Variants in USP32 observed in about 807,000 individuals in gnomAD.
The protein encoded by USP32 is ubiquitin carboxyl-terminal hydrolase 32.
In USP32, 59 loss-of-function variants were observed where a neutral mutation model predicts 204.8. The ratio of observed to expected loss-of-function variants is 0.29; its 90% CI spans 0.23 to 0.36. USP32 has a LOEUF of 0.36. Ranked by LOEUF, USP32 falls within the 10% of genes least tolerant of loss-of-function variation. The probability of loss-of-function intolerance (pLI) is 1.00; values close to 1 mark genes in which losing one functional copy is unlikely to be tolerated. For synonymous variants in USP32, 517 were observed against 678.4 expected (o/e 0.76, Z 3.70); for missense variants, 1,160 against 1,946.4 (o/e 0.60, Z 7.60).
At chr17:60,184,013 G>A (rs1202332496) in intron 30 of USP32, among the ~76,000 whole-genome samples, 16 of 152,060 alleles carry the variant, frequency 1.1e-4, no homozygotes, top group Non-Finnish European at 1.8e-4. Flanking sequence ...TCAGCCGGGC[G>A]CAGTGGCTCA....
intron 2 of USP32, among the ~76,000 whole-genome samples, chr17:60,339,583 C>CAAA (rs1420937665): frequency 3.0e-5 from 2 of 65,918 alleles, no homozygotes; most frequent in Admixed American, 1.8e-4. Flanking sequence ...AACTCCATCT[C>CAAA]AAAAAAAAAA....
At chr17:60,291,537 A>ATGTGTGTGTGTG (rs58874239) in intron 4 of USP32, among the ~76,000 whole-genome samples, 31 of 145,334 alleles carry the variant, frequency 2.1e-4, no homozygotes, top group African/African-American at 6.2e-4. Flanking sequence ...CTGTGTGTGT[A>ATGTGTGTGTGTG]TGTGTGTGTG....
intron 2 of USP32, among the ~76,000 whole-genome samples, chr17:60,320,558 G>A (rs144119370): frequency 1.6e-4 from 25 of 152,222 alleles, no homozygotes; most frequent in African/African-American, 5.8e-4. Context: ...AGAAACCGGG[G>A]TACCTGGAGA....
chr17:60,252,145 C>CA (rs1223789851), intron 11 of USP32, among the ~76,000 whole-genome samples: 1 of 151,904 alleles, frequency 6.6e-6, no homozygotes, highest in Non-Finnish European at 1.5e-5. Context: ...TATCTCATTT[C>CA]AAAAAATGAA....
At chr17:60,338,893 A>G (rs1000945363) in intron 2 of USP32, among the ~76,000 whole-genome samples, 30 of 152,268 alleles carry the variant, frequency 2.0e-4, no homozygotes, top group African/African-American at 6.3e-4. Context: ...AGAAGTACAT[A>G]AAAATATTTT....
chr17:60,214,443 A>T (rs1343492128), intron 17 of USP32, among the ~76,000 whole-genome samples, 177 bp downstream of exon 17: 1 of 151,450 alleles, frequency 6.6e-6, no homozygotes, highest in African/African-American at 2.5e-5. Flanking sequence ...CATAATTATT[A>T]TAGGTAAAAT....
intron 2 of USP32, 31 bp downstream of exon 2, chr17:60,345,450 C>G: frequency 6.2e-7 from 1 of 1,610,248 alleles, no homozygotes; most frequent in South Asian, 1.1e-5. Context: ...GGATAACTAC[C>G]TCAAAGGAAA....
intron 1 of USP32, among the ~76,000 whole-genome samples, chr17:60,420,805 AG>A (rs2090105752): frequency 6.6e-6 from 1 of 152,250 alleles, no homozygotes; most frequent in Non-Finnish European, 1.5e-5. Context: ...GTATCCTTCA[AG>A]ACTTTTTTCT....
chr17:60,417,302 T>C (rs749109778), intron 1 of USP32, among the ~76,000 whole-genome samples: 4 of 152,112 alleles, frequency 2.6e-5, no homozygotes, highest in African/African-American at 7.2e-5. Context: ...AAGTGTAGCA[T>C]ACATACCCTT....
At chr17:60,395,968 G>C (rs1339959387), upstream of USP32, among the ~76,000 whole-genome samples, 1 of 149,580 alleles carries the variant, frequency 6.7e-6, no homozygotes, top group Non-Finnish European at 1.5e-5. Flanking sequence ...CACATTAAGA[G>C]AATTGATTTT....
chr17:60,184,635 C>A (rs1467411015), intron 30 of USP32, among the ~76,000 whole-genome samples: 5 of 151,818 alleles, frequency 3.3e-5, no homozygotes, highest in African/African-American at 1.2e-4. Context: ...ATGGTGAAAC[C>A]CCATATCTAC....
Position 60,207,057 on chromosome 17 carries a change from C to G in USP32, c.3001G>C (p.Val1001Leu). ...GGACTAGAAGCTGAAATTGGAGACA[C>G]AGGGACAGGAATTTCAAATGCACAC... The part of the protein sequence containing the change: ...FLCAFEIPVP[V>L]SPISASSPTQ... Residue 1001 changes from valine (V) to leucine (L), a missense_variant, in exon 25 of 34, where the codon GTG becomes CTG. Coordinates refer to ENST00000300896, the MANE Select transcript of USP32 (RefSeq NM_032582.4). The G allele has an allele frequency of 6.2e-7, 1 of 1,613,116 alleles. No individual in the cohort carries two copies. The highest frequency in any genetic ancestry group is 8.5e-7 in the Non-Finnish European group (1 of 1,179,356).
intron 26 of USP32, among the ~76,000 whole-genome samples, chr17:60,202,646 G>A (rs1260136738): frequency 1.3e-5 from 2 of 151,832 alleles, no homozygotes; most frequent in African/African-American, 4.8e-5. Flanking sequence ...CTATATAGAT[G>A]TCTTATGTGT....
At chr17:60,348,975 G>C (rs1361718440) in intron 1 of USP32, among the ~76,000 whole-genome samples, 1 of 152,032 alleles carries the variant, frequency 6.6e-6, no homozygotes, top group Non-Finnish European at 1.5e-5. Flanking sequence ...ATTTGCAATT[G>C]AAGGAGGTAA....
At chr17:60,380,441 A>C (rs2089626895) in intron 1 of USP32, among the ~76,000 whole-genome samples, 1 of 152,082 alleles carries the variant, frequency 6.6e-6, no homozygotes. Flanking sequence ...AGTGGTGCAC[A>C]CCTGTAGTCC....
At chr17:60,336,963 G>A (rs1191951232) in intron 2 of USP32, among the ~76,000 whole-genome samples, 1 of 152,086 alleles carries the variant, frequency 6.6e-6, no homozygotes, top group Non-Finnish European at 1.5e-5. Context: ...ATATAAACAA[G>A]TTAATCATTT....
chr17:60,227,578 TTTTC>T (rs2085429374), intron 12 of USP32, among the ~76,000 whole-genome samples: 1 of 150,698 alleles, frequency 6.6e-6, no homozygotes, highest in Non-Finnish European at 1.5e-5. Context: ...TCAGTTTTTC[TTTTC>T]TTTTTTTTTT....
intron 2 of USP32, among the ~76,000 whole-genome samples, chr17:60,340,485 T>G (rs2088630962): frequency 1.3e-5 from 2 of 152,236 alleles, no homozygotes; most frequent in African/African-American, 4.8e-5. Flanking sequence ...GAGACTAGGA[T>G]TACAACCCCT....
At chr17:60,401,892 T>G (rs1192568313) in intron 1 of USP32, among the ~76,000 whole-genome samples, 1 of 152,092 alleles carries the variant, frequency 6.6e-6, no homozygotes, top group African/African-American at 2.4e-5. Context: ...AGATACAAAG[T>G]TGTTCCCAGA....
Sources: gnomAD v4.1 joint callset for allele counts (sites outside exome capture counted in the v4.1 genomes callset) on GRCh38, gnomAD v4.1.1 for gene constraint, MANE v1.5 for transcripts, NCBI Gene and HGNC (gene_info 2026-07-23, HGNC 2026-07-21) for gene names.